Variants in DNAH8 observed in about 807,000 individuals in gnomAD.
DNAH8 encodes dynein axonemal heavy chain 8.
Under a neutral mutation model 562.1 loss-of-function variants are expected in DNAH8, and 382 were observed. The ratio of observed to expected loss-of-function variants is 0.68; its 90% confidence interval spans 0.63 to 0.74. DNAH8 has a LOEUF of 0.74. DNAH8 is among the 30% of genes least tolerant of loss of function. The pLI is 0.00. For missense variants in DNAH8, 5,203 were observed against 5,620.4 expected (o/e 0.93, Z 2.37); for synonymous variants, 1,881 against 1,919.4 (o/e 0.98, Z 0.52).
chr6:38,803,974 C>T (rs976322922), intron 22 of DNAH8, among the ~76,000 whole-genome samples: 1 of 152,198 alleles, frequency 6.6e-6, no homozygotes, highest in Non-Finnish European at 1.5e-5. Context: ...ACTTTTGATT[C>T]TGCCCACACC....
chr6:38,745,642 A>G (rs1305576161), intron 8 of DNAH8, among the ~76,000 whole-genome samples: 4 of 152,132 alleles, frequency 2.6e-5, no homozygotes, highest in Non-Finnish European at 5.9e-5. Flanking sequence ...CCACTTATGT[A>G]TTTTTATCTG....
chr6:38,845,383 T>G (rs547036694), intron 35 of DNAH8, among the ~76,000 whole-genome samples, 191 bp from the exon 36 acceptor site: 1 of 152,286 alleles, frequency 6.6e-6, no homozygotes, highest in African/African-American at 2.4e-5. Flanking sequence ...CGGCGATTAG[T>G]AAATAATTAG....
At position 38,874,407 on chromosome 6, in the gene DNAH8, C is replaced by G. The variant is rs562614782; in HGVS notation, c.7620+1031C>G. ...CTTTCAACAAGGTCTTGCCTGTTGCCCAGGCTGGAGTGTAGTGGTGCAATC... is the reference window on the plus strand; with the variant it reads ...CTTTCAACAAGGTCTTGCCTGTTGCGCAGGCTGGAGTGTAGTGGTGCAATC... On this transcript the variant is annotated intron_variant, in intron 52 of 92. Coordinates refer to ENST00000327475, the MANE Select transcript of DNAH8 (RefSeq NM_001206927.2). Among the ~76,000 whole-genome samples the G allele has an allele frequency of 2.7e-5, 4 of 150,174 alleles. No homozygotes were observed. In the East Asian group the frequency reaches 7.9e-4, roughly 30 times the overall value.
chr6:38,898,771 A>G (rs1019672868), intron 61 of DNAH8, among the ~76,000 whole-genome samples: 12 of 152,166 alleles, frequency 7.9e-5, no homozygotes, highest in South Asian at 2.1e-4. Context: ...AAAAGTGTCA[A>G]TGTTATGATT....
At position 38,750,371 on chromosome 6, in the gene DNAH8, C is replaced by T. The variant is rs1765331635; in HGVS notation, c.1294-105C>T. On this transcript the variant is annotated intron_variant, in intron 8 of 92. Coordinates refer to ENST00000327475, the MANE Select transcript of DNAH8 (RefSeq NM_001206927.2). ...ATATTAATCACACTTAAATATCTAC[C>T]ATTTTAGTATATGTATGATTAGGGA... 1.0e-5 allele frequency: 6 copies of T among 578,032 alleles called. No homozygotes were observed. The South Asian group carries it at 1.8e-4, about 17-fold the overall frequency. The allele number at this position is 578,032 out of a possible 1,614,324, so 35.8% of individuals were successfully genotyped here.
chr6:38,801,248 C>T (rs1051277919), intron 21 of DNAH8, among the ~76,000 whole-genome samples: 2 of 152,046 alleles, frequency 1.3e-5, no homozygotes, highest in African/African-American at 2.4e-5. Context: ...GAGAAGGTTC[C>T]GTTTCATTCT....
intron 88 of DNAH8, among the ~76,000 whole-genome samples, chr6:38,995,379 A>T (rs1026047569): frequency 6.6e-6 from 1 of 152,052 alleles, no homozygotes; most frequent in Non-Finnish European, 1.5e-5. Context: ...TTTTTGTGGC[A>T]TCTTTATCAG....
rs201823651 is a variant in DNAH8 at position 38,842,808 on chromosome 6, G to A, written c.4750G>A (p.Glu1584Lys). The part of the protein sequence containing the change: ...MKQRHWDRIS[E>K]LTGTPFDVES... ...ACAGAGACACTGGGATAGAATCTCC[G>A]AGTTAACTGGAACCCCATTTGATGT... Residue 1584 changes from glutamate (E) to lysine (K), a missense_variant, in exon 35 of 93, where the codon GAG (glutamate) becomes AAG (lysine). Glu to Lys is a moderately conservative substitution (Grantham distance 56). Coordinates refer to ENST00000327475, the MANE Select transcript of DNAH8 (RefSeq NM_001206927.2). The A allele has an allele frequency of 1.9e-5, 30 of 1,613,770 alleles. No individual in the cohort carries two copies. In the Middle Eastern group the frequency reaches 6.6e-4, roughly 35 times the overall value.
chr6:38,991,318 T>C (rs767894214), intron 88 of DNAH8, among the ~76,000 whole-genome samples: 9 of 152,116 alleles, frequency 5.9e-5, no homozygotes, highest in African/African-American at 2.2e-4. Flanking sequence ...TCCACCCCCA[T>C]GATGGAACCA....
intron 48 of DNAH8, among the ~76,000 whole-genome samples, chr6:38,869,650 T>C (rs1777316043): frequency 6.6e-6 from 1 of 152,156 alleles, no homozygotes; most frequent in Non-Finnish European, 1.5e-5. Flanking sequence ...TTTGCAGCCA[T>C]TGTTGGATGA....
At position 38,723,338 on chromosome 6, in the gene DNAH8, C is replaced by T. The variant is rs764158389; in HGVS notation, c.392C>T (p.Ala131Val). The T allele has an allele frequency of 3.8e-6, 6 of 1,594,972 alleles. No homozygotes were observed. The South Asian group carries it at 6.9e-5, about 18-fold the overall frequency. Residue 131 changes from alanine to valine, a missense_variant and splice_region_variant, in exon 3 of 93, where the codon GCA becomes GTA. By Grantham distance (64) the Ala-to-Val change is moderately conservative (BLOSUM62 0). Around this residue, in one of 6 missense-constraint regions of DNAH8, gnomAD observed 556 missense variants for 496.9 expected, o/e 1.12. Coordinates refer to ENST00000327475, the MANE Select transcript of DNAH8 (RefSeq NM_001206927.2). ...NLQETLKERQ[A>V]RFREARESRR... ...TTGAACTTGGTTTTCATTCCTTAGGCAAGATTTAGAGAGGCAAGGGAAAGC... is the reference window on the plus strand; with the variant it reads ...TTGAACTTGGTTTTCATTCCTTAGGTAAGATTTAGAGAGGCAAGGGAAAGC...
At chr6:38,795,861 T>C (rs1335644525) in intron 21 of DNAH8, among the ~76,000 whole-genome samples, 1 of 152,230 alleles carries the variant, frequency 6.6e-6, no homozygotes, top group Admixed American at 6.5e-5. Context: ...TGGGCCAAAC[T>C]GTGGTTTCAG....
intron 76 of DNAH8, among the ~76,000 whole-genome samples, chr6:38,932,213 CA>C (rs1782605061): frequency 1.3e-5 from 2 of 151,230 alleles, no homozygotes; most frequent in African/African-American, 4.9e-5. Flanking sequence ...CACACACACA[CA>C]CACCCGTCTC....
intron 25 of DNAH8, 129 bp from the exon 26 acceptor site, chr6:38,815,339 C>T (rs1473306840): frequency 3.3e-6 from 2 of 604,840 alleles, no homozygotes; most frequent in Non-Finnish European, 5.7e-6. Context: ...CTATCATTCT[C>T]CCCCTCAAAT....
chr6:38,841,416 C>G (rs963989828), intron 33 of DNAH8, among the ~76,000 whole-genome samples: 1 of 151,980 alleles, frequency 6.6e-6, no homozygotes, highest in African/African-American at 2.4e-5. Context: ...GAGATTCTCT[C>G]TCAAAAATAA....
chr6:38,962,682 C>T (rs1208611132), intron 82 of DNAH8, among the ~76,000 whole-genome samples: 1 of 152,114 alleles, frequency 6.6e-6, no homozygotes, highest in East Asian at 1.9e-4. Context: ...AGAATATATT[C>T]AATTAGTTAT....
At chr6:38,763,033 C>A in intron 11 of DNAH8, 2 of 408,500 alleles carry the variant, frequency 4.9e-6, no homozygotes, top group South Asian at 3.9e-5. Context: ...AGAGACAGAT[C>A]AAAGCAGCTC....
intron 66 of DNAH8, among the ~76,000 whole-genome samples, chr6:38,913,221 T>G (rs943793247): frequency 6.6e-6 from 1 of 152,220 alleles, no homozygotes; most frequent in Non-Finnish European, 1.5e-5. Context: ...TCAGCCATGG[T>G]GGGAGTGTTT....
At chr6:38,907,866 T>C in intron 63 of DNAH8, 90 bp from the exon 64 acceptor site, 1 of 1,114,634 alleles carries the variant, frequency 9.0e-7, no homozygotes, top group African/African-American at 1.6e-5. Context: ...CAAGATGACA[T>C]GCAAATTAAA....
Sources: allele counts gnomAD v4.1 joint callset (sites outside exome capture counted in the v4.1 genomes callset), GRCh38; gene constraint gnomAD v4.1.1; regional missense constraint gnomAD v4.1.1; transcripts MANE v1.5; gene names NCBI Gene and HGNC (gene_info 2026-07-23, HGNC 2026-07-21).